Variants in RIGI observed in about 807,000 individuals in gnomAD.
RIGI encodes RNA sensor RIG-I, also known as antiviral innate immune response receptor RIG-I.
chr9:32,485,499 C>T, the RIGI span: 2 of 629,862 alleles, frequency 3.2e-6, no homozygotes, highest in East Asian at 3.0e-5. Context: ...GATTCTAACA[C>T]CTGTCTTTCA....
the RIGI span, among the ~76,000 whole-genome samples, chr9:32,493,334 G>A: frequency 6.6e-6 from 1 of 152,120 alleles, no homozygotes; most frequent in Non-Finnish European, 1.5e-5. Context: ...CACATTAAAA[G>A]TACTATTCTG....
the RIGI span, among the ~76,000 whole-genome samples, chr9:32,468,654 A>C: frequency 6.6e-6 from 1 of 151,546 alleles, no homozygotes; most frequent in Non-Finnish European, 1.5e-5. Context: ...CAAGAGAATG[A>C]GACTCTATCT....
chr9:32,477,637 T>C, the RIGI span, among the ~76,000 whole-genome samples: 1 of 152,100 alleles, frequency 6.6e-6, no homozygotes, highest in Non-Finnish European at 1.5e-5. Flanking sequence ...TTTAAAAATA[T>C]AGTCAGGCCG....
chr9:32,499,129 G>A, the RIGI span, among the ~76,000 whole-genome samples: 1 of 151,942 alleles, frequency 6.6e-6, no homozygotes, highest in South Asian at 2.1e-4. Context: ...TAATTGGGCT[G>A]AGAATCTTTT....
At chr9:32,474,202 CAA>C in the RIGI span, among the ~76,000 whole-genome samples, 17 of 50,904 alleles carry the variant, frequency 3.3e-4, no homozygotes, top group Admixed American at 7.9e-4. Flanking sequence ...GACCCTGTCT[CAA>C]AAAAAAAAAA....
At chr9:32,516,762 T>C in the RIGI span, among the ~76,000 whole-genome samples, 1 of 152,206 alleles carries the variant, frequency 6.6e-6, no homozygotes, top group African/African-American at 2.4e-5. Context: ...TCTGTGTTTG[T>C]GTCTGGCCAA....
At chr9:32,507,724 T>A in the RIGI span, among the ~76,000 whole-genome samples, 2 of 151,908 alleles carry the variant, frequency 1.3e-5, no homozygotes, top group Non-Finnish European at 2.9e-5. Flanking sequence ...TAGCTCACCA[T>A]AGGCTCAATT....
At chr9:32,515,123 C>A in the RIGI span, among the ~76,000 whole-genome samples, 1 of 151,978 alleles carries the variant, frequency 6.6e-6, no homozygotes, top group African/African-American at 2.4e-5. Context: ...TATTTGTGGC[C>A]AGGCATGGTG....
At chr9:32,462,816 G>A in the RIGI span, among the ~76,000 whole-genome samples, 1 of 152,024 alleles carries the variant, frequency 6.6e-6, no homozygotes, top group Non-Finnish European at 1.5e-5. Context: ...CGCAATAGGC[G>A]TGAGCCATCA....
the RIGI span, among the ~76,000 whole-genome samples, chr9:32,468,792 G>A: frequency 1.3e-5 from 2 of 152,126 alleles, no homozygotes; most frequent in Non-Finnish European, 2.9e-5. Context: ...CTGTTGGGGT[G>A]TCTGCCTCCC....
the RIGI span, among the ~76,000 whole-genome samples, chr9:32,501,762 T>C: frequency 6.6e-6 from 1 of 152,144 alleles, no homozygotes; most frequent in Admixed American, 6.5e-5. Flanking sequence ...TATATTCTCA[T>C]AGATTAGAAG....
chr9:32,487,464 A>C, the RIGI span: 1 of 1,613,722 alleles, frequency 6.2e-7, no homozygotes, highest in African/African-American at 1.3e-5. Context: ...TATTGGATCC[A>C]ACTTACACTT....
chr9:32,481,925 T>G, the RIGI span, among the ~76,000 whole-genome samples: 1 of 152,202 alleles, frequency 6.6e-6, no homozygotes, highest in African/African-American at 2.4e-5. Flanking sequence ...ATATTCCTCC[T>G]GAAATAGTCT....
the RIGI span, chr9:32,456,170 T>A: frequency 6.6e-6 from 1 of 152,306 alleles, no homozygotes; most frequent in East Asian, 1.9e-4. Flanking sequence ...TCAGTCCAGG[T>A]GTTGAACATC....
chr9:32,510,703 C>G, the RIGI span, among the ~76,000 whole-genome samples: 1 of 152,140 alleles, frequency 6.6e-6, no homozygotes, highest in Non-Finnish European at 1.5e-5. Flanking sequence ...AACCAGCTAG[C>G]ATCATAATGA....
chr9:32,508,241 T>TTTTTTTTTTTTTTTTTTTTTTTTTG, the RIGI span, among the ~76,000 whole-genome samples: 1 of 129,262 alleles, frequency 7.7e-6, no homozygotes, highest in East Asian at 2.1e-4. Context: ...TTTACTTAAT[T>TTTTTTTTTTTTTTTTTTTTTTTTTG]TTTTTTTTTT....
the RIGI span, among the ~76,000 whole-genome samples, chr9:32,467,295 G>A: frequency 1.3e-5 from 2 of 152,168 alleles, no homozygotes; most frequent in East Asian, 1.9e-4. Flanking sequence ...GAAGTGACAC[G>A]ATCGAGCTGT....
the RIGI span, chr9:32,500,946 A>T: frequency 1.2e-6 from 2 of 1,612,520 alleles, no homozygotes; most frequent in Admixed American, 1.7e-5. Flanking sequence ...TCTTCTACAA[A>T]CAGAAGCAAA....
At chr9:32,480,586 T>C in the RIGI span, among the ~76,000 whole-genome samples, 2,771 of 152,296 alleles carry the variant, frequency 0.018, 84 homozygotes, top group African/African-American at 0.062. Flanking sequence ...TATCATCACT[T>C]TGGATTATTG....
Sources: allele counts gnomAD v4.1 joint callset (sites outside exome capture counted in the v4.1 genomes callset), GRCh38; gene constraint gnomAD v4.1.1; transcripts MANE v1.5; gene names NCBI Gene and HGNC (gene_info 2026-07-23, HGNC 2026-07-21).